Variants in EBI3 observed in about 807,000 individuals in gnomAD.
EBI3 encodes the protein Epstein-Barr virus induced 3, also known as interleukin-27 subunit beta.
EBI3 carries 19 observed loss-of-function variants against 21.3 expected under a neutral mutation model. That is an observed-to-expected ratio of 0.89 (90% CI 0.62 to 1.31). The LOEUF (loss-of-function observed/expected upper bound fraction) is 1.31, where lower values mean the gene tolerates loss of function less well. Among genes scored for constraint, EBI3 ranks in the 50% most tolerant of loss-of-function variants. The probability of loss-of-function intolerance (pLI) is 0.00; values close to 1 mark genes in which losing one functional copy is unlikely to be tolerated. For synonymous variants in EBI3, 154 were observed against 131.2 expected (o/e 1.17, Z -1.19); for missense variants, 331 against 314.0 (o/e 1.05, Z -0.41).
chr19:4,236,973 C>A lies in EBI3; in HGVS notation c.575C>A (p.Ala192Asp). Reference sequence around the variant, plus strand: ...GAAGCCACGTCCTTCATCCTCAGGGCTGTGCGGCCCCGAGCCAGGTACTAC... The same window carrying A: ...GAAGCCACGTCCTTCATCCTCAGGGATGTGCGGCCCCGAGCCAGGTACTAC... ...PIEATSFILR[A>D]VRPRARYYVQ... Residue 192 changes from alanine (A) to aspartate (D), a missense_variant, in exon 5 of 5, where the codon GCT becomes GAT. Coordinates refer to ENST00000221847, the MANE Select transcript of EBI3 (RefSeq NM_005755.3). 2 of 1,546,460 alleles carry A rather than the reference C, an allele frequency of 1.3e-6. No homozygotes were observed. Among genetic ancestry groups the A allele is most frequent in the South Asian group, 1.2e-5 (1 of 82,700 alleles).
chr19:4,236,291 T>C (rs1197211986), intron 4 of EBI3, among the ~76,000 whole-genome samples: 1 of 150,260 alleles, frequency 6.7e-6, no homozygotes, highest in South Asian at 2.1e-4. Flanking sequence ...GAGGTGGAGG[T>C]TGCAGTGAGC....
chr19:4,232,969 G>C (rs1022335454), intron 2 of EBI3, 160 bp from the exon 3 acceptor site: 3 of 764,430 alleles, frequency 3.9e-6, no homozygotes, highest in Non-Finnish European at 5.9e-6. Flanking sequence ...CCTGCCCCCG[G>C]GGGGTGGCAC....
intron 4 of EBI3, among the ~76,000 whole-genome samples, chr19:4,236,538 A>AAAAAAAAAAAAAAAAC (rs1970839637): frequency 6.7e-6 from 1 of 149,756 alleles, no homozygotes; most frequent in African/African-American, 2.5e-5. Context: ...AAAAAAAAAA[A>AAAAAAAAAAAAAAAAC]AAAAAGCATG....
chr19:4,231,109 A>T, intron 1 of EBI3, 82 bp from the exon 2 acceptor site: 1 of 1,456,838 alleles, frequency 6.9e-7, no homozygotes, highest in Non-Finnish European at 9.1e-7. Flanking sequence ...GCTGGCTGGC[A>T]ACGTGGCAGG....
rs1483401172 is a variant in EBI3, at chr19:4,232,266, GAAAAGAA to G, written c.201-858_201-852del. Among the ~76,000 whole-genome samples the G allele has an allele frequency of 4.7e-3, 540 of 115,838 alleles. 8 individuals are homozygous for G. The highest frequency in any genetic ancestry group is 0.018 in the African/African-American group (516 of 28,356). 76.0% of individuals were successfully genotyped at this position (115,838 alleles called of 152,430 possible). A position where few individuals can be genotyped will look rare whatever the true frequency, so the allele number is the denominator to read the frequency against. ...AAAAAGAAAAGAAAAGAAAAGAAAA[GAAAAGAA>G]AAAATTTCGAAAAAGAAAAAAAAAT... On this transcript the variant is annotated intron_variant, in intron 2 of 4. Transcript: ENST00000221847.
At chr19:4,232,549 C>T (rs867985090) in intron 2 of EBI3, among the ~76,000 whole-genome samples, 2 of 150,828 alleles carry the variant, frequency 1.3e-5, no homozygotes, top group Admixed American at 6.6e-5. Flanking sequence ...GAGACCCCCC[C>T]CCATCTGTAG....
Position 4,237,201 on chromosome 19 carries a change from T to C in EBI3, c.*113T>C. 1 of 1,299,918 alleles carries C rather than the reference T, an allele frequency of 7.7e-7. No homozygotes were observed. Among genetic ancestry groups the C allele is most frequent in the Admixed American group, 3.2e-5 (1 of 31,512 alleles). The allele number at this position is 1,299,918 out of a possible 1,614,324, so 80.5% of individuals were successfully genotyped here. On this transcript the variant is annotated 3_prime_UTR_variant, in exon 5 of 5. Transcript: ENST00000221847. ...CTAGCCTGGGCTGGAGTCCTTGCTT[T>C]GCTGCTGCTGAGCTGCCGGGCAACC...
At position 4,236,957 on chromosome 19, in the gene EBI3, T is replaced by A; in HGVS notation, c.559T>A (p.Ser187Thr). 2 of 1,511,284 alleles carry A rather than the reference T, an allele frequency of 1.3e-6. No homozygotes were observed. The highest frequency in any genetic ancestry group is 1.3e-5 in the South Asian group (1 of 77,370). 93.6% of individuals were successfully genotyped at this position (1,511,284 alleles called of 1,614,324 possible). The change falls in exon 5 of 5, where the codon TCC becomes ACC. Residue 187 changes from serine to threonine, a missense_variant. Ser to Thr is a moderately conservative substitution (Grantham distance 58). Transcript: ENST00000221847. ...TCAGGTGGGGCCCATTGAAGCCACGTCCTTCATCCTCAGGGCTGTGCGGCC... is the reference window on the plus strand; with the variant it reads ...TCAGGTGGGGCCCATTGAAGCCACGACCTTCATCCTCAGGGCTGTGCGGCC... ...FHRVGPIEAT[S>T]FILRAVRPRA...
chr19:4,229,926 T>A (rs1180465632), intron 1 of EBI3, among the ~76,000 whole-genome samples: 1 of 152,064 alleles, frequency 6.6e-6, no homozygotes. Context: ...GGTTTCTTTT[T>A]GGTTTTGTTT....
chr19:4,232,957 G>A (rs1364271090), intron 2 of EBI3, 172 bp from the exon 3 acceptor site: 2 of 664,242 alleles, frequency 3.0e-6, no homozygotes, highest in African/African-American at 3.8e-5. Context: ...TGGGGCCCAT[G>A]CCCTGCCCCC....
chr19:4,230,833 C>G (rs556744428), intron 1 of EBI3, among the ~76,000 whole-genome samples: 1 of 151,234 alleles, frequency 6.6e-6, no homozygotes, highest in Non-Finnish European at 1.5e-5. Context: ...GCCGAGATCT[C>G]GCCACTGCAC....
intron 1 of EBI3, among the ~76,000 whole-genome samples, chr19:4,230,215 C>T (rs567562408): frequency 2.6e-5 from 4 of 152,110 alleles, no homozygotes; most frequent in East Asian, 1.9e-4. Flanking sequence ...TGAGCCACCG[C>T]GCCCGGCCGA....
At chr19:4,229,831 C>T (rs920231575) in intron 1 of EBI3, among the ~76,000 whole-genome samples, 10 of 152,206 alleles carry the variant, frequency 6.6e-5, no homozygotes, top group Non-Finnish European at 1.5e-4. Context: ...GTGATAGGGA[C>T]TGGCAGTCAC....
chr19:4,229,598 G>A lies in EBI3; in HGVS notation c.48G>A (p.Pro16=), dbSNP rs759419950. 20 of 1,609,286 alleles carry A rather than the reference G, an allele frequency of 1.2e-5. No individual in the cohort carries two copies. The highest frequency in any genetic ancestry group is 3.3e-5 in the South Asian group (3 of 90,012). The part of the protein sequence containing the change: ...LLALVLWASC[P]PCSGRKGPPA... ...CCCTTGTCCTCTGGGCCAGCTGCCC[G>A]CCCTGCAGTGGAAGGAAAGGTATGT... Residue 16 remains proline (P), a synonymous_variant, in exon 1 of 5, where the codon CCG becomes CCA. Coordinates refer to ENST00000221847, the MANE Select transcript of EBI3 (RefSeq NM_005755.3).
intron 1 of EBI3, 124 bp downstream of exon 1, chr19:4,229,741 C>G (rs1010916329): frequency 2.0e-6 from 2 of 1,015,644 alleles, no homozygotes; most frequent in Non-Finnish European, 2.8e-6. Context: ...ATGGGGTTAC[C>G]CTCCCATTGT....
In EBI3 at chr19:4,237,175, C is replaced by T; in HGVS notation, c.*87C>T. 7.3e-7 allele frequency: 1 copy of T among 1,375,100 alleles called. No homozygotes were observed. The highest frequency in any genetic ancestry group is 9.5e-7 in the Non-Finnish European group (1 of 1,057,512). The allele number at this position is 1,375,100 out of a possible 1,614,324, so 85.2% of individuals were successfully genotyped here. A position where few individuals can be genotyped will look rare whatever the true frequency, so the allele number is the denominator to read the frequency against. On this transcript the variant is annotated 3_prime_UTR_variant, in exon 5 of 5. Transcript: ENST00000221847. ...CCTGTTGGAGGGCGGATGGGATCTG[C>T]CTAGCCTGGGCTGGAGTCCTTGCTT...
intron 2 of EBI3, among the ~76,000 whole-genome samples, chr19:4,231,684 T>G (rs1970784314): frequency 6.8e-6 from 1 of 147,494 alleles, no homozygotes; most frequent in Non-Finnish European, 1.5e-5. Flanking sequence ...GGCAGGAGAA[T>G]AGCTTGAACC....
chr19:4,232,247 AAAAGAAAAGAAAAG>A (rs1970791497), intron 2 of EBI3, among the ~76,000 whole-genome samples: 3 of 70,918 alleles, frequency 4.2e-5, no homozygotes, highest in Admixed American at 3.0e-4. Flanking sequence ...AAAAAAAAAG[AAAAGAAAAGAAAAG>A]AAAAGAAAAG....
At chr19:4,235,049 CAG>C (rs1323233829) in intron 4 of EBI3, among the ~76,000 whole-genome samples, 1 of 152,178 alleles carries the variant, frequency 6.6e-6, no homozygotes, top group East Asian at 1.9e-4. Flanking sequence ...TGTTTTGAGA[CAG>C]AGTCTCGCTC....
Sources: gnomAD v4.1 joint callset for allele counts (sites outside exome capture counted in the v4.1 genomes callset) on GRCh38, gnomAD v4.1.1 for gene constraint, MANE v1.5 for transcripts, NCBI Gene and HGNC (gene_info 2026-07-23, HGNC 2026-07-21) for gene names.